Variants in CACNB2 observed in about 807,000 individuals in gnomAD.
CACNB2 encodes calcium voltage-gated channel auxiliary subunit beta 2.
CACNB2 carries 42 observed loss-of-function variants against 73.3 expected under a neutral mutation model. That is an observed-to-expected ratio of 0.57 (90% CI 0.45 to 0.74). CACNB2 has a LOEUF of 0.74. Among genes scored for constraint, CACNB2 ranks in the 30% least tolerant of loss-of-function variants. CACNB2 has a pLI of 0.00. For synonymous variants in CACNB2, 348 were observed against 310.3 expected (o/e 1.12, Z -1.28); for missense variants, 940 against 853.0 (o/e 1.10, Z -1.27).
At chr10:18,459,560 C>A (rs2047455791) in intron 3 of CACNB2, among the ~76,000 whole-genome samples, 2 of 152,152 alleles carry the variant, frequency 1.3e-5, no homozygotes, top group Admixed American at 1.3e-4. Flanking sequence ...ATGGCATGAC[C>A]AATGCTTGGG....
At chr10:18,394,360 G>C (rs757510028) in intron 2 of CACNB2, among the ~76,000 whole-genome samples, 2 of 152,144 alleles carry the variant, frequency 1.3e-5, no homozygotes, top group Non-Finnish European at 2.9e-5. Flanking sequence ...ATGCCTTTAT[G>C]ATCGTTAGAA....
chr10:18,291,827 A>G (rs2039079891), intron 2 of CACNB2, among the ~76,000 whole-genome samples: 2 of 152,252 alleles, frequency 1.3e-5, no homozygotes, highest in Non-Finnish European at 2.9e-5. Flanking sequence ...TTAAGAACTT[A>G]AAGACATCTA....
At chr10:18,332,939 C>G (rs2040859940) in intron 2 of CACNB2, among the ~76,000 whole-genome samples, 1 of 152,060 alleles carries the variant, frequency 6.6e-6, no homozygotes, top group Admixed American at 6.6e-5. Context: ...AAATTGCAAG[C>G]TATGATTTTC....
intron 2 of CACNB2, among the ~76,000 whole-genome samples, chr10:18,315,834 G>A (rs533665941): frequency 1.3e-5 from 2 of 152,270 alleles, no homozygotes; most frequent in South Asian, 4.1e-4. Flanking sequence ...TCCCACCATG[G>A]ACAACTTCAA....
Position 18,238,832 on chromosome 10 carries a change from A to G in CACNB2, c.213+87857A>G, listed in dbSNP as rs141161037. On this transcript the variant is annotated intron_variant, in intron 2 of 13. Coordinates refer to ENST00000324631, the MANE Select transcript of CACNB2 (RefSeq NM_201596.3). ...GAGTGGGAGCCCATCTCTGCCTTTA[A>G]CTAACACAACCGTAAACCATTCAAC... 2.8e-3 allele frequency among the ~76,000 whole-genome samples: 431 copies of G among 152,338 alleles called. 1 individual carries two copies. The highest frequency in any genetic ancestry group is 0.01 in the African/African-American group (424 of 41,580).
chr10:18,419,704 CA>C (rs556021317), intron 3 of CACNB2, among the ~76,000 whole-genome samples: 70 of 152,230 alleles, frequency 4.6e-4, no homozygotes, highest in African/African-American at 1.7e-3. Flanking sequence ...AATTTATTAG[CA>C]ACTGCTGTAT....
chr10:18,170,748 T>G (rs967342368), intron 2 of CACNB2, among the ~76,000 whole-genome samples: 1 of 152,256 alleles, frequency 6.6e-6, no homozygotes, highest in Non-Finnish European at 1.5e-5. Context: ...AAAACAGTTA[T>G]GTTGGTTTTA....
chr10:18,464,017 T>C (rs1008987445), intron 3 of CACNB2, among the ~76,000 whole-genome samples: 76 of 152,116 alleles, frequency 5.0e-4, no homozygotes, highest in African/African-American at 1.8e-3. Flanking sequence ...ACAACCTCTG[T>C]GCTGTCAGAG....
chr10:18,216,096 G>C (rs1379970826), intron 2 of CACNB2, among the ~76,000 whole-genome samples: 1 of 150,690 alleles, frequency 6.6e-6, no homozygotes, highest in African/African-American at 2.4e-5. Context: ...AGGAGTTTGA[G>C]ACCAGCCTGA....
At position 18,239,814 on chromosome 10, in the gene CACNB2, C is replaced by T. The variant is rs144297797; in HGVS notation, c.213+88839C>T. Among the ~76,000 whole-genome samples the T allele has an allele frequency of 3.0e-4, 46 of 152,254 alleles. 1 individual carries two copies. The East Asian group carries it at 7.3e-3, about 24-fold the overall frequency. ...GATTTTCTTTATAGTTTCTAGATCA[C>T]CCTCCCCAGCTCCAAAGATTATAAA... On this transcript the variant is annotated intron_variant, in intron 2 of 13. Transcript: ENST00000324631.
chr10:18,414,264 G>A (rs979821272), intron 3 of CACNB2, among the ~76,000 whole-genome samples: 5 of 152,182 alleles, frequency 3.3e-5, no homozygotes, highest in African/African-American at 1.2e-4. Flanking sequence ...ATCTCTGCCT[G>A]AGTTATCAAG....
intron 9 of CACNB2, among the ~76,000 whole-genome samples, chr10:18,521,744 A>G (rs944913077): frequency 6.6e-6 from 1 of 152,212 alleles, no homozygotes; most frequent in African/African-American, 2.4e-5. Flanking sequence ...TGGAAACCTC[A>G]GAGTTTAAGA....
intron 2 of CACNB2, among the ~76,000 whole-genome samples, chr10:18,315,232 G>A (rs778359173): frequency 3.9e-5 from 6 of 152,062 alleles, no homozygotes; most frequent in Non-Finnish European, 5.9e-5. Flanking sequence ...TACTTGGGAG[G>A]CTGAAACAGG....
chr10:18,267,157 T>C (rs1043222585), intron 2 of CACNB2, among the ~76,000 whole-genome samples: 5 of 151,430 alleles, frequency 3.3e-5, no homozygotes, highest in Admixed American at 2.0e-4. Flanking sequence ...CATATATGTA[T>C]TTTCGTAAGA....
intron 2 of CACNB2, among the ~76,000 whole-genome samples, chr10:18,306,491 A>G (rs1476312500): frequency 6.6e-6 from 1 of 152,210 alleles, no homozygotes; most frequent in Non-Finnish European, 1.5e-5. Flanking sequence ...GTTGCAGTAG[A>G]AATGAGGTCC....
intron 2 of CACNB2, among the ~76,000 whole-genome samples, chr10:18,355,763 G>A (rs1225814093): frequency 6.6e-6 from 1 of 151,526 alleles, no homozygotes; most frequent in Admixed American, 6.6e-5. Flanking sequence ...AGCCTCCCGA[G>A]TAGCTGGGAT....
At chr10:18,344,730 C>T (rs1192172412) in intron 2 of CACNB2, among the ~76,000 whole-genome samples, 1 of 152,116 alleles carries the variant, frequency 6.6e-6, no homozygotes, top group Non-Finnish European at 1.5e-5. Flanking sequence ...GGCAGTGGCT[C>T]ATGCCTGAAC....
At chr10:18,182,050 G>A (rs1308898360) in intron 2 of CACNB2, 1 of 152,224 alleles carries the variant, frequency 6.6e-6, no homozygotes, top group Non-Finnish European at 1.5e-5. Context: ...GGTCTGCAGG[G>A]CAGTGAAAGA....
chr10:18,535,171 C>T (rs2053441386), intron 11 of CACNB2, among the ~76,000 whole-genome samples: 3 of 152,148 alleles, frequency 2.0e-5, no homozygotes, highest in Admixed American at 2.0e-4. Flanking sequence ...CATTAATTTT[C>T]AAGACAGACC....
Sources: allele counts gnomAD v4.1 joint callset (sites outside exome capture counted in the v4.1 genomes callset), GRCh38; gene constraint gnomAD v4.1.1; transcripts MANE v1.5; gene names NCBI Gene and HGNC (gene_info 2026-07-23, HGNC 2026-07-21).